RBM19: variants seen among roughly 807,000 people sequenced by gnomAD.
RBM19 encodes the protein probable RNA-binding protein 19.
Under a neutral mutation model 116.8 loss-of-function variants are expected in RBM19, and 94 were observed. The ratio of observed to expected loss-of-function variants is 0.80; its 90% CI spans 0.68 to 0.95. The LOEUF (loss-of-function observed/expected upper bound fraction) is 0.95. RBM19 is among the 40% of genes least tolerant of loss of function. RBM19 has a pLI of 0.00. For missense variants in RBM19, 1,161 were observed against 1,220.7 expected, an observed-to-expected ratio of 0.95 and a Z score of 0.73; for synonymous variants, 475 against 494.1, an observed-to-expected ratio of 0.96 and a Z score of 0.51.
chr12:113,955,411 CCT>C (rs147644656), intron 6 of RBM19, among the ~76,000 whole-genome samples, 200 bp from the exon 7 acceptor site: 6,390 of 152,170 alleles, frequency 0.042, 328 homozygotes, highest in Admixed American at 0.15. Context: ...TCCATGTGCC[CCT>C]GAGACGAGGG....
intron 21 of RBM19, among the ~76,000 whole-genome samples, chr12:113,909,025 T>C (rs932127984): frequency 1.3e-5 from 2 of 152,156 alleles, no homozygotes; most frequent in Non-Finnish European, 2.9e-5. Context: ...GGTGCAATGG[T>C]AACGGGACTG....
intron 21 of RBM19, among the ~76,000 whole-genome samples, chr12:113,914,187 T>C (rs1270611903): frequency 6.6e-6 from 1 of 152,222 alleles, no homozygotes; most frequent in Non-Finnish European, 1.5e-5. Context: ...ACATGGCTGG[T>C]TTCTCTTTCA....
chr12:113,863,344 A>T (rs986133181), intron 21 of RBM19, among the ~76,000 whole-genome samples: 1 of 152,062 alleles, frequency 6.6e-6, no homozygotes, highest in Non-Finnish European at 1.5e-5. Flanking sequence ...AAAAGGGATG[A>T]ATCATCTTGG....
At chr12:113,880,385 C>A (rs748461300) in intron 21 of RBM19, among the ~76,000 whole-genome samples, 4 of 152,164 alleles carry the variant, frequency 2.6e-5, no homozygotes, top group Non-Finnish European at 5.9e-5. Context: ...CTGCCTACAT[C>A]TGTAAAGATC....
chr12:113,871,894 G>A (rs1360925038), intron 21 of RBM19, among the ~76,000 whole-genome samples: 52 of 151,956 alleles, frequency 3.4e-4, no homozygotes, highest in Non-Finnish European at 5.9e-5. Flanking sequence ...AGGAGCAGCC[G>A]CCTGCCTTGG....
At chr12:113,904,797 C>T (rs1050161075) in intron 21 of RBM19, among the ~76,000 whole-genome samples, 7 of 152,088 alleles carry the variant, frequency 4.6e-5, no homozygotes, top group South Asian at 2.1e-4. Flanking sequence ...GTGTGTGGAG[C>T]GGGGCTGTGA....
chr12:113,857,929 C>G (rs932871832), intron 22 of RBM19, among the ~76,000 whole-genome samples: 3 of 152,244 alleles, frequency 2.0e-5, no homozygotes, highest in Admixed American at 6.5e-5. Context: ...GGATCCCAGC[C>G]ATTAATGAGA....
At chr12:113,921,604 G>A (rs1868568409) in intron 18 of RBM19, among the ~76,000 whole-genome samples, 1 of 152,160 alleles carries the variant, frequency 6.6e-6, no homozygotes, top group Non-Finnish European at 1.5e-5. Flanking sequence ...TACAAAATAA[G>A]AGCCAACTGC....
rs888246225 is a variant in RBM19, at chr12:113,858,914, G to A, written c.2559-18C>T. 1.2e-6 allele frequency: 2 copies of A among 1,610,850 alleles called. No homozygotes were observed. The highest frequency in any genetic ancestry group is 1.3e-5 in the African/African-American group (1 of 74,880). ...CAAAGGTGCTAGAAACAAAAGGCAAGACATAGGGGTTTAAGAATAGAGGCC... is the reference window on the plus strand; with the variant it reads ...CAAAGGTGCTAGAAACAAAAGGCAAAACATAGGGGTTTAAGAATAGAGGCC... On this transcript the variant is annotated intron_variant, in intron 21 of 23. Transcript: ENST00000261741.
rs114913345 is a variant in RBM19 at position 113,898,351 on chromosome 12, G to A, written c.2558+16618C>T. Among the ~76,000 whole-genome samples the A allele has an allele frequency of 1.3e-3, 195 of 152,178 alleles. No individual in the cohort carries two copies. The highest frequency in any genetic ancestry group is 4.0e-3 in the African/African-American group (165 of 41,522). ...TTTCAGTGCCTGTACTGGACTTCAG[G>A]GACAGGCAAGTGACATCCTACAGAC... On this transcript the variant is annotated intron_variant, in intron 21 of 23. Transcript: ENST00000261741. The surrounding 1 kb of genome is among the most constrained non-coding windows in gnomAD (Gnocchi z 4.3).
chr12:113,959,943 G>T, intron 3 of RBM19, 40 bp from the exon 4 acceptor site: 1 of 1,613,956 alleles, frequency 6.2e-7, no homozygotes, highest in South Asian at 1.1e-5. Flanking sequence ...TCACACAGAT[G>T]AAGAGAGCTG....
intron 15 of RBM19, 180 bp from the exon 16 acceptor site, chr12:113,937,316 T>TC: frequency 1.5e-6 from 1 of 650,714 alleles, no homozygotes; most frequent in Non-Finnish European, 2.5e-6. Context: ...AGGACAACAT[T>TC]CGGCCCCCAT....
At position 113,966,072 on chromosome 12, in the gene RBM19, A is replaced by T. The variant is rs1295081015; in HGVS notation, c.36+120T>A. 2.6e-6 allele frequency: 3 copies of T among 1,157,222 alleles called. No homozygotes were observed. The African/African-American group carries it at 4.5e-5, about 18-fold the overall frequency. The allele number at this position is 1,157,222 out of a possible 1,614,324, so 71.7% of individuals were successfully genotyped here. On this transcript the variant is annotated intron_variant, in intron 1 of 23. Transcript: ENST00000261741. ...GGATCCCGCCCCCTTTGAGTTCAGAATTGGCCCGGAGTCCTGCCCCAGAGC... is the reference window on the plus strand; with the variant it reads ...GGATCCCGCCCCCTTTGAGTTCAGATTTGGCCCGGAGTCCTGCCCCAGAGC...
intron 21 of RBM19, among the ~76,000 whole-genome samples, chr12:113,895,707 A>T (rs1324160028): frequency 6.6e-6 from 1 of 152,164 alleles, no homozygotes; most frequent in Non-Finnish European, 1.5e-5. Flanking sequence ...GTGGCAGTGG[A>T]TGAAAGGATA....
chr12:113,937,551 A>G (rs1224275813), intron 15 of RBM19, among the ~76,000 whole-genome samples: 1 of 144,158 alleles, frequency 6.9e-6, no homozygotes, highest in Non-Finnish European at 1.6e-5. Flanking sequence ...CTCTATGTGC[A>G]TATATCCACG....
rs550267722 is a variant in RBM19 at position 113,823,491 on chromosome 12, G to A, written c.2786-170C>T. ...GCAAGAGAGGGAAGTTGGGGAGAGC[G>A]GAGGGAGAGAAGATACAGAGGGAGG... On this transcript the variant is annotated intron_variant, in intron 23 of 23. Coordinates refer to ENST00000261741, the MANE Select transcript of RBM19 (RefSeq NM_016196.4). Among the ~76,000 whole-genome samples, 109 of 152,130 alleles carry A rather than the reference G, an allele frequency of 7.2e-4. No homozygotes were observed. Among genetic ancestry groups the A allele is most frequent in the South Asian group, 3.1e-3 (15 of 4,818 alleles).
chr12:113,848,523 T>C (rs1877178220), intron 22 of RBM19, among the ~76,000 whole-genome samples: 1 of 152,104 alleles, frequency 6.6e-6, no homozygotes, highest in South Asian at 2.1e-4. Context: ...GAGCTTGTTA[T>C]ATTTGACACA....
chr12:113,944,326 G>C (rs1156444525), intron 13 of RBM19, among the ~76,000 whole-genome samples: 1 of 151,736 alleles, frequency 6.6e-6, no homozygotes, highest in Non-Finnish European at 1.5e-5. Context: ...TCGAACTCCT[G>C]ACCTCTAGTG....
intron 23 of RBM19, among the ~76,000 whole-genome samples, chr12:113,830,583 G>A: frequency 9.9e-6 from 1 of 101,112 alleles, no homozygotes; most frequent in Non-Finnish European, 2.3e-5. Context: ...GGCGGGGGGG[G>A]GGGGGGTGGG....
Sources: allele counts gnomAD v4.1 joint callset (sites outside exome capture counted in the v4.1 genomes callset), GRCh38; gene constraint gnomAD v4.1.1; non-coding constraint Gnocchi (gnomAD v3.1); transcripts MANE v1.5; gene names NCBI Gene and HGNC (gene_info 2026-07-23, HGNC 2026-07-21).